SGCD: variants seen among roughly 807,000 people sequenced by gnomAD.
SGCD encodes the protein sarcoglycan delta.
In SGCD, 18 loss-of-function variants were observed where a neutral mutation model predicts 36.6. The ratio of observed to expected loss-of-function variants is 0.49; its 90% CI spans 0.34 to 0.73. The LOEUF (loss-of-function observed/expected upper bound fraction) is 0.73. SGCD is among the 30% of genes least tolerant of loss of function. The pLI, the probability that SGCD is intolerant of heterozygous loss-of-function variation, is 0.01. For missense variants in SGCD, 387 were observed against 346.7 expected, an observed-to-expected ratio of 1.12 and a Z score of -0.92; for synonymous variants, 133 against 130.6, an observed-to-expected ratio of 1.02 and a Z score of -0.12.
At chr5:156,417,803 A>G (rs1212633861) in intron 3 of SGCD, among the ~76,000 whole-genome samples, 2 of 151,606 alleles carry the variant, frequency 1.3e-5, no homozygotes, top group Admixed American at 6.6e-5. Context: ...GGAGGACCCA[A>G]TTCAGTTCAC....
chr5:155,819,349 C>A, the SGCD span, among the ~76,000 whole-genome samples: 1 of 152,222 alleles, frequency 6.6e-6, no homozygotes, highest in African/African-American at 2.4e-5. Flanking sequence ...TATGGCAAAT[C>A]AGTGGGGTGT....
At chr5:156,718,771 C>G (rs1424728366) in intron 7 of SGCD, among the ~76,000 whole-genome samples, 1 of 149,054 alleles carries the variant, frequency 6.7e-6, no homozygotes, top group Non-Finnish European at 1.5e-5. Context: ...GAGTTCAAGA[C>G]CAGCCTGGCA....
At chr5:156,386,108 T>C (rs1251716962) in intron 3 of SGCD, among the ~76,000 whole-genome samples, 1 of 152,242 alleles carries the variant, frequency 6.6e-6, no homozygotes, top group East Asian at 1.9e-4. Context: ...TTAGTGATAG[T>C]ATAGTTATTG....
the SGCD span, among the ~76,000 whole-genome samples, chr5:155,788,314 TA>T: frequency 1.9e-4 from 29 of 152,282 alleles, 1 homozygote; most frequent in Admixed American, 3.3e-4. Flanking sequence ...TGAAGGATTT[TA>T]AACGTTAAAA....
At chr5:156,742,368 A>G (rs1056498602) in intron 7 of SGCD, among the ~76,000 whole-genome samples, 2 of 151,872 alleles carry the variant, frequency 1.3e-5, no homozygotes, top group Non-Finnish European at 2.9e-5. Flanking sequence ...TCTATCCACT[A>G]TCCATATACT....
chr5:155,941,239 C>G (rs1757319928), intron 1 of SGCD, among the ~76,000 whole-genome samples: 1 of 152,208 alleles, frequency 6.6e-6, no homozygotes, highest in South Asian at 2.1e-4. Context: ...CCCTCATAAC[C>G]TAACCACATC....
At chr5:156,568,514 T>C (rs1202523292) in intron 4 of SGCD, among the ~76,000 whole-genome samples, 3 of 152,228 alleles carry the variant, frequency 2.0e-5, no homozygotes, top group Non-Finnish European at 4.4e-5. Context: ...AGGTGCCTAG[T>C]TGACTTATTG....
At chr5:156,746,495 T>A (rs1277657384) in intron 7 of SGCD, among the ~76,000 whole-genome samples, 1 of 152,168 alleles carries the variant, frequency 6.6e-6, no homozygotes, top group East Asian at 1.9e-4. Context: ...GATTAAAGAA[T>A]ACAGAACTAA....
chr5:156,183,046 G>A (rs951558572), intron 3 of SGCD, among the ~76,000 whole-genome samples: 57 of 152,070 alleles, frequency 3.7e-4, no homozygotes, highest in Admixed American at 2.7e-3. Context: ...TTGGGAGGCC[G>A]AGGTGGGTGG....
At chr5:156,757,195 G>A (rs1757367251) in intron 7 of SGCD, among the ~76,000 whole-genome samples, 1 of 117,760 alleles carries the variant, frequency 8.5e-6, no homozygotes, top group Admixed American at 1.3e-4. Context: ...ACAGAAGCAG[G>A]ACAAAGTAGA....
chr5:156,144,272 C>A (rs574058837), intron 3 of SGCD, among the ~76,000 whole-genome samples: 1 of 151,980 alleles, frequency 6.6e-6, no homozygotes, highest in Non-Finnish European at 1.5e-5. Context: ...ATGGCTGGGT[C>A]AAATGGTATT....
intron 1 of SGCD, among the ~76,000 whole-genome samples, chr5:155,980,066 G>A (rs542827743): frequency 6.6e-6 from 1 of 152,116 alleles, no homozygotes; most frequent in Non-Finnish European, 1.5e-5. Context: ...CTCCATGTGA[G>A]GATATAAGGA....
At chr5:155,854,980 A>T in the SGCD span, among the ~76,000 whole-genome samples, 1 of 152,180 alleles carries the variant, frequency 6.6e-6, no homozygotes, top group Non-Finnish European at 1.5e-5. Flanking sequence ...GGTGGGTGCC[A>T]TGACTTGAAC....
chr5:156,706,567 C>G (rs1176893205), intron 7 of SGCD, among the ~76,000 whole-genome samples: 3 of 152,128 alleles, frequency 2.0e-5, no homozygotes, highest in Non-Finnish European at 2.9e-5. Flanking sequence ...CGTACTCCAT[C>G]AGTTCTCTCT....
At chr5:156,097,026 A>G (rs904066034) in intron 1 of SGCD, among the ~76,000 whole-genome samples, 1 of 151,308 alleles carries the variant, frequency 6.6e-6, no homozygotes, top group Admixed American at 6.6e-5. Flanking sequence ...AAAATGTGCT[A>G]CTTTCTTTTG....
rs114377502 is a variant in SGCD at position 156,446,620 on chromosome 5, G to A, written c.193-61981G>A. ...TCTTAGGCAACCATTCAAAAACAGC[G>A]TCTTTAGCATAAAGGGACAGATGGC... On this transcript the variant is annotated intron_variant, in intron 3 of 8. Transcript: ENST00000337851. Among the ~76,000 whole-genome samples the A allele has an allele frequency of 3.1e-3, 468 of 152,206 alleles. 3 individuals are homozygous for A. Among genetic ancestry groups the A allele is most frequent in the African/African-American group, 0.011 (439 of 41,512 alleles).
chr5:156,306,805 G>A (rs964945084), intron 3 of SGCD, among the ~76,000 whole-genome samples: 13 of 152,132 alleles, frequency 8.5e-5, no homozygotes, highest in African/African-American at 2.4e-4. Flanking sequence ...GATCACCAGA[G>A]GGTCCTATTT....
chr5:156,692,766 A>G (rs1340856821), intron 7 of SGCD, among the ~76,000 whole-genome samples: 1 of 152,240 alleles, frequency 6.6e-6, no homozygotes, highest in Non-Finnish European at 1.5e-5. Flanking sequence ...AGACTGAGAT[A>G]GGTTATATTT....
chr5:155,918,168 T>C (rs17052994), intron 1 of SGCD, among the ~76,000 whole-genome samples: 15,728 of 152,216 alleles, frequency 0.1, 910 homozygotes, highest in South Asian at 0.17. Flanking sequence ...AAAATTCTGA[T>C]AGGAATGTCT....
Sources: allele counts gnomAD v4.1 joint callset (sites outside exome capture counted in the v4.1 genomes callset), GRCh38; gene constraint gnomAD v4.1.1; transcripts MANE v1.5; gene names NCBI Gene and HGNC (gene_info 2026-07-23, HGNC 2026-07-21).